GIGYF2: variants seen among roughly 807,000 people sequenced by gnomAD.
GIGYF2 encodes the protein GRB10-interacting GYF protein 2.
Under a neutral mutation model 208.1 loss-of-function variants are expected in GIGYF2, and 25 were observed. The ratio of observed to expected loss-of-function variants is 0.12; its 90% CI spans 0.09 to 0.17. The LOEUF (loss-of-function observed/expected upper bound fraction) is 0.17, where lower values mean the gene tolerates loss of function less well. GIGYF2 is among the 10% of genes least tolerant of loss of function. The pLI, the probability that GIGYF2 is intolerant of heterozygous loss-of-function variation, is 1.00. For synonymous variants in GIGYF2, 534 were observed against 543.8 expected (o/e 0.98, Z 0.25); for missense variants, 1,302 against 1,579.4 (o/e 0.82, Z 2.98).
At chr2:232,781,478 T>C (rs773866020) in intron 8 of GIGYF2, among the ~76,000 whole-genome samples, 8 of 152,040 alleles carry the variant, frequency 5.3e-5, no homozygotes, top group East Asian at 1.9e-4. Context: ...TTAGTAGTAA[T>C]TGGAAATGTG....
chr2:232,825,672 G>A (rs2344615), intron 21 of GIGYF2, among the ~76,000 whole-genome samples: 2 of 152,030 alleles, frequency 1.3e-5, no homozygotes, highest in South Asian at 2.1e-4. Flanking sequence ...TTACATAAAC[G>A]TAGTTGATAA....
chr2:232,805,566 ATATTTT>A (rs1700536414), intron 14 of GIGYF2, among the ~76,000 whole-genome samples: 2 of 152,074 alleles, frequency 1.3e-5, no homozygotes, highest in African/African-American at 4.8e-5. Context: ...CTACTTTGTT[ATATTTT>A]GTGTGACTTT....
At chr2:232,787,581 A>G (rs1699954238) in intron 9 of GIGYF2, among the ~76,000 whole-genome samples, 1 of 152,190 alleles carries the variant, frequency 6.6e-6, no homozygotes, top group Non-Finnish European at 1.5e-5. Context: ...CCTGCGCTCA[A>G]CTGCAGAAAT....
At chr2:232,780,585 G>A (rs1699680554) in intron 8 of GIGYF2, among the ~76,000 whole-genome samples, 1 of 152,210 alleles carries the variant, frequency 6.6e-6, no homozygotes, top group South Asian at 2.1e-4. Flanking sequence ...CAAAGTGCAT[G>A]TCCAGTGCAA....
At chr2:232,757,769 AC>A (rs1170361689) in intron 6 of GIGYF2, among the ~76,000 whole-genome samples, 2 of 99,796 alleles carry the variant, frequency 2.0e-5, no homozygotes, top group Non-Finnish European at 4.3e-5. Flanking sequence ...TCTGAACAGC[AC>A]CCCCCGCCCC....
rs866031898 is a variant in GIGYF2, at chr2:232,836,292, A to C, written c.2766+3199A>C. On this transcript the variant is annotated intron_variant, in intron 22 of 28. Transcript: ENST00000373563. ...TATATATATATATATATATATATAT[A>C]TATATATATATATATATATATATAT... Among the ~76,000 whole-genome samples, 4 of 9,884 alleles carry C rather than the reference A, an allele frequency of 4.0e-4. 1 individual carries two copies. The highest frequency in any genetic ancestry group is 1.2e-3 in the African/African-American group (4 of 3,298). 6.5% of individuals were successfully genotyped at this position (9,884 alleles called of 152,430 possible).
chr2:232,828,997 T>C (rs1701336697), intron 21 of GIGYF2, among the ~76,000 whole-genome samples: 1 of 152,212 alleles, frequency 6.6e-6, no homozygotes, highest in South Asian at 2.1e-4. Context: ...AACATTTAAA[T>C]ATTTTATATC....
At chr2:232,827,405 GC>G (rs1701285188) in intron 21 of GIGYF2, among the ~76,000 whole-genome samples, 1 of 152,180 alleles carries the variant, frequency 6.6e-6, no homozygotes, top group South Asian at 2.1e-4. Context: ...GACCATCAGA[GC>G]CTAGTGTTTT....
chr2:232,794,594 A>G (rs1021105687), intron 12 of GIGYF2, among the ~76,000 whole-genome samples, 154 bp from the exon 13 acceptor site: 1 of 152,140 alleles, frequency 6.6e-6, no homozygotes. Context: ...AGGAAGGAAT[A>G]TTACGTTTCT....
In GIGYF2 at chr2:232,779,790, T is replaced by G. The variant is rs75459254; in HGVS notation, c.533-7360T>G. On this transcript the variant is annotated intron_variant, in intron 8 of 28. Coordinates refer to ENST00000373563, the MANE Select transcript of GIGYF2 (RefSeq NM_001103146.3). Reference sequence around the variant, plus strand: ...ACCAGCTGAGCAGGTTATTTATTCCTCAGGGAGAAAGTCGTAACTCTCTGG... The same window carrying G: ...ACCAGCTGAGCAGGTTATTTATTCCGCAGGGAGAAAGTCGTAACTCTCTGG... Among the ~76,000 whole-genome samples, 1,252 of 152,304 alleles carry G rather than the reference T, an allele frequency of 8.2e-3. 19 individuals carry two copies. Among genetic ancestry groups the G allele is most frequent in the African/African-American group, 0.028 (1,154 of 41,562 alleles).
intron 14 of GIGYF2, among the ~76,000 whole-genome samples, chr2:232,798,576 GTT>G (rs1483904198): frequency 2.6e-5 from 4 of 152,120 alleles, no homozygotes; most frequent in African/African-American, 9.7e-5. Context: ...AGCATTTGAT[GTT>G]TTTGCTATTT....
At chr2:232,782,524 T>C (rs1312963105) in intron 8 of GIGYF2, 1 of 152,168 alleles carries the variant, frequency 6.6e-6, no homozygotes, top group Non-Finnish European at 1.5e-5. Context: ...ATTCTTATGA[T>C]AGCAAAAAGG....
chr2:232,782,277 G>A (rs1205176803), intron 8 of GIGYF2, among the ~76,000 whole-genome samples: 1 of 152,086 alleles, frequency 6.6e-6, no homozygotes, highest in Non-Finnish European at 1.5e-5. Context: ...TGCCCAGTCT[G>A]GTTTCAAACT....
chr2:232,731,785 A>T (rs1697508111), intron 2 of GIGYF2, among the ~76,000 whole-genome samples: 1 of 152,218 alleles, frequency 6.6e-6, no homozygotes, highest in Admixed American at 6.5e-5. Context: ...TATAAGATTA[A>T]TCATTTTGTG....
Position 232,847,331 on chromosome 2 carries a change from C to T in GIGYF2, c.3461-17C>T. On this transcript the variant is annotated splice_polypyrimidine_tract_variant and intron_variant, in intron 26 of 28. Transcript: ENST00000373563. ...TATTTCATTGTTACCCTTATCTTCT[C>T]CCCTCCCGTTTTGCAGTTCCCACAT... 1.2e-6 allele frequency: 2 copies of T among 1,608,662 alleles called. No individual in the cohort carries two copies. Among genetic ancestry groups the T allele is most frequent in the Non-Finnish European group, 1.7e-6 (2 of 1,175,976 alleles).
In GIGYF2 at chr2:232,844,075, A is replaced by G. The variant is rs1157247704; in HGVS notation, c.2919A>G (p.Lys973=). Residue 973 remains lysine, a synonymous_variant, in exon 24 of 29, where the codon AAA becomes AAG. Transcript: ENST00000373563. ...EQRRQQRELM[K]ALQQQQQQQQ... is the part of the protein sequence containing the mutation. Reference sequence around the variant, plus strand: ...GGCGCCAGCAGAGGGAGTTGATGAAAGCTCTTCAGCAGCAGCAGCAACAGC... The same window carrying G: ...GGCGCCAGCAGAGGGAGTTGATGAAGGCTCTTCAGCAGCAGCAGCAACAGC... The G allele has an allele frequency of 1.2e-6, 2 of 1,612,108 alleles. No homozygotes were observed. The highest frequency in any genetic ancestry group is 1.7e-6 in the Non-Finnish European group (2 of 1,178,858).
At chr2:232,818,924 T>C (rs1054986790) in intron 20 of GIGYF2, among the ~76,000 whole-genome samples, 1 of 152,236 alleles carries the variant, frequency 6.6e-6, no homozygotes, top group African/African-American at 2.4e-5. Flanking sequence ...AAGTCTTTGC[T>C]TAAGGATTTA....
chr2:232,789,667 CAA>C (rs938621798), intron 9 of GIGYF2, among the ~76,000 whole-genome samples: 11 of 152,052 alleles, frequency 7.2e-5, no homozygotes, highest in Middle Eastern at 3.4e-3. Context: ...CTGGTTTTTG[CAA>C]AGTTTGTCTC....
intron 26 of GIGYF2, among the ~76,000 whole-genome samples, chr2:232,846,574 TC>T (rs1702011698): frequency 1.3e-5 from 2 of 152,184 alleles, no homozygotes; most frequent in Admixed American, 1.3e-4. Context: ...ATTAAAGAGT[TC>T]CTTTGCAGCA....
Sources: gnomAD v4.1 joint callset for allele counts (sites outside exome capture counted in the v4.1 genomes callset) on GRCh38, gnomAD v4.1.1 for gene constraint, MANE v1.5 for transcripts, NCBI Gene and HGNC (gene_info 2026-07-23, HGNC 2026-07-21) for gene names.